The following ZCCHC14 variants were observed in gnomAD, a reference collection of about 807,000 sequenced individuals.
The protein encoded by ZCCHC14 is zinc finger CCHC-type containing 14, also known as zinc finger CCHC domain-containing protein 14.
A neutral mutation model predicts 85.0 loss-of-function variants in ZCCHC14; 16 were observed. The ratio of observed to expected loss-of-function variants is 0.19; its 90% CI spans 0.13 to 0.29. The LOEUF (loss-of-function observed/expected upper bound fraction) is 0.29. Among genes scored for constraint, ZCCHC14 ranks in the 10% least tolerant of loss-of-function variants. ZCCHC14 has a pLI of 1.00. For missense variants in ZCCHC14, 1,303 were observed against 1,443.5 expected (o/e 0.90, Z 1.58); for synonymous variants, 775 against 630.7 (o/e 1.23, Z -3.43).
At chr16:87,443,488 C>A (rs961750188) in intron 2 of ZCCHC14, among the ~76,000 whole-genome samples, 2 of 152,202 alleles carry the variant, frequency 1.3e-5, no homozygotes, top group African/African-American at 4.8e-5. Context: ...GTAATCCCAG[C>A]ACTTTGGGAG....
rs1355461837 is a variant in ZCCHC14 at position 87,408,862 on chromosome 16, TCCAACTGCAAAATC to T, written c.*1404_*1417del. On this transcript the variant is annotated 3_prime_UTR_variant, in exon 13 of 13. Transcript: ENST00000671377. ...ATTATAATTTTTTTTAAAATAAATA[TCCAACTGCAAAATC>T]CCAACTGCAAGATTTTACCAATCAG... 6.6e-6 allele frequency: 1 copy of T among 152,614 alleles called. No individual in the cohort carries two copies. The highest frequency in any genetic ancestry group is 2.4e-5 in the African/African-American group (1 of 41,448). The allele number at this position is 152,614 out of a possible 1,614,324, so 9.5% of individuals were successfully genotyped here.
chr16:87,450,744 C>T (rs537063066), intron 2 of ZCCHC14, among the ~76,000 whole-genome samples: 22 of 151,784 alleles, frequency 1.4e-4, no homozygotes, highest in South Asian at 2.1e-4. Context: ...TTTGTAGAGA[C>T]GGATTTTCAC....
At chr16:87,467,156 T>C in intron 1 of ZCCHC14, 1 of 1,238,574 alleles carries the variant, frequency 8.1e-7, no homozygotes, top group African/African-American at 1.5e-5. Flanking sequence ...TGTTGATAGA[T>C]GAAAACTGTC....
At chr16:87,432,739 G>A (rs889907603) in intron 3 of ZCCHC14, among the ~76,000 whole-genome samples, 1 of 152,222 alleles carries the variant, frequency 6.6e-6, no homozygotes, top group Non-Finnish European at 1.5e-5. Context: ...ATCTGAACGT[G>A]TCAGTTTAAG....
intron 1 of ZCCHC14, among the ~76,000 whole-genome samples, chr16:87,467,837 G>C (rs1192983878): frequency 2.0e-5 from 3 of 152,186 alleles, no homozygotes; most frequent in Non-Finnish European, 4.4e-5. Context: ...ATTTTTAGTA[G>C]AGACGGGGTT....
At chr16:87,436,501 T>A (rs187428756) in intron 2 of ZCCHC14, among the ~76,000 whole-genome samples, 27 of 152,156 alleles carry the variant, frequency 1.8e-4, no homozygotes, top group African/African-American at 6.3e-4. Flanking sequence ...CCAGCCTGAG[T>A]CAAGGTCAGG....
At chr16:87,415,432 T>C (rs771459025) in intron 8 of ZCCHC14, 65 bp from the exon 9 acceptor site, 5 of 1,420,002 alleles carry the variant, frequency 3.5e-6, no homozygotes, top group Non-Finnish European at 4.9e-6. Context: ...AACAAAGAAC[T>C]TGGAGTTGAA....
intron 2 of ZCCHC14, among the ~76,000 whole-genome samples, chr16:87,455,293 C>G (rs9932994): frequency 2.0e-5 from 3 of 150,636 alleles, no homozygotes; most frequent in African/African-American, 7.3e-5. Context: ...CGTCCCCCCC[C>G]GCCCCCGCAA....
At chr16:87,471,419 G>A (rs117705000) in intron 1 of ZCCHC14, 2,535 of 152,348 alleles carry the variant, frequency 0.017, 25 homozygotes, top group Middle Eastern at 0.041. Context: ...TTAACCTAGA[G>A]CTCTACTCAT....
chr16:87,479,247 C>G (rs1033550659), intron 1 of ZCCHC14, among the ~76,000 whole-genome samples: 5 of 151,936 alleles, frequency 3.3e-5, no homozygotes, highest in African/African-American at 1.2e-4. Context: ...GAAACCCTGT[C>G]TCTACTAAAA....
Position 87,407,622 on chromosome 16 carries a change from A to G in ZCCHC14, c.*2658T>C, listed in dbSNP as rs1597394026. ...TAAAAAAACAGGGTTAGAAACTTTA[A>G]TATCTGACAGACTACAAAGGGCAAA... On this transcript the variant is annotated 3_prime_UTR_variant, in exon 13 of 13. Transcript: ENST00000671377. 1 of 152,228 alleles carries G rather than the reference A, an allele frequency of 6.6e-6. No homozygotes were observed. The allele number at this position is 152,228 out of a possible 1,614,324, so 9.4% of individuals were successfully genotyped here. A position where few individuals can be genotyped will look rare whatever the true frequency, so the allele number is the denominator to read the frequency against.
At chr16:87,469,330 A>C (rs1394353684) in intron 1 of ZCCHC14, among the ~76,000 whole-genome samples, 1 of 152,272 alleles carries the variant, frequency 6.6e-6, no homozygotes, top group African/African-American at 2.4e-5. Flanking sequence ...GTTAAAAACA[A>C]GAAAAACTGA....
At chr16:87,460,250 A>G in intron 1 of ZCCHC14, 119 bp from the exon 2 acceptor site, 4 of 1,302,708 alleles carry the variant, frequency 3.1e-6, no homozygotes, top group Non-Finnish European at 4.2e-6. Context: ...CAAAACATGT[A>G]TTATTATAAT....
intron 1 of ZCCHC14, chr16:87,467,012 G>T: frequency 2.4e-6 from 1 of 411,212 alleles, no homozygotes; most frequent in Non-Finnish European, 4.4e-6. Flanking sequence ...AGTCACTTTG[G>T]AGGTCACGTG....
intron 2 of ZCCHC14, among the ~76,000 whole-genome samples, chr16:87,446,281 T>A (rs1421381257): frequency 6.6e-6 from 1 of 152,118 alleles, no homozygotes; most frequent in Non-Finnish European, 1.5e-5. Context: ...GTCAGAAATT[T>A]GAGACCAGCC....
rs1782242984 is a variant in ZCCHC14, at chr16:87,431,842, G to T, written c.768+1286C>A. On this transcript the variant is annotated intron_variant, in intron 3 of 12. Transcript: ENST00000671377. ...CCAGGGCACTCAGAGGGCCCCTGTG[G>T]TCTTTCCCTGGGCTCCGCCTGGGCT... Among the ~76,000 whole-genome samples the T allele has an allele frequency of 2.0e-5, 3 of 152,284 alleles. No homozygotes were observed. In the South Asian group the frequency reaches 6.2e-4, roughly 32 times the overall value.
chr16:87,425,852 G>A (rs1909343856), intron 3 of ZCCHC14, among the ~76,000 whole-genome samples: 2 of 152,194 alleles, frequency 1.3e-5, no homozygotes, highest in South Asian at 2.1e-4. Flanking sequence ...CCTCTAGGCT[G>A]TATCTTTCCT....
chr16:87,418,830 C>T lies in ZCCHC14; in HGVS notation c.1100+17G>A. 2 of 1,610,914 alleles carry T rather than the reference C, an allele frequency of 1.2e-6. No homozygotes were observed. Among genetic ancestry groups the T allele is most frequent in the Non-Finnish European group, 1.7e-6 (2 of 1,177,494 alleles). On this transcript the variant is annotated intron_variant, in intron 7 of 12. Transcript: ENST00000671377. Reference sequence around the variant, plus strand: ...ATGCTTATCTGAACTGTGCTGGTTACATAGAAGATTTCTCACCTTCCAGAC... The same window carrying T: ...ATGCTTATCTGAACTGTGCTGGTTATATAGAAGATTTCTCACCTTCCAGAC...
At chr16:87,466,254 T>C (rs1282435727) in intron 1 of ZCCHC14, among the ~76,000 whole-genome samples, 2 of 152,226 alleles carry the variant, frequency 1.3e-5, no homozygotes, top group East Asian at 3.8e-4. Context: ...ACCATAACTT[T>C]TAGAAGAGAA....
Sources: gnomAD v4.1 joint callset for allele counts (sites outside exome capture counted in the v4.1 genomes callset) on GRCh38, gnomAD v4.1.1 for gene constraint, MANE v1.5 for transcripts, NCBI Gene and HGNC (gene_info 2026-07-23, HGNC 2026-07-21) for gene names.